The following MBOAT2 variants were observed in gnomAD, a reference collection of about 807,000 sequenced individuals.
MBOAT2 encodes the protein membrane-bound glycerophospholipid O-acyltransferase 2.
A neutral mutation model predicts 63.4 loss-of-function variants in MBOAT2; 28 were observed. The ratio of observed to expected loss-of-function variants is 0.44; its 90% CI spans 0.33 to 0.61. The LOEUF is 0.61. Ranked by LOEUF, MBOAT2 falls within the 20% of genes least tolerant of loss-of-function variation. The pLI is 0.03. For missense variants in MBOAT2, 470 were observed against 605.8 expected (o/e 0.78, Z 2.35); for synonymous variants, 211 against 215.6 (o/e 0.98, Z 0.19).
rs879082841 is a variant in MBOAT2 at position 8,853,448 on chromosome 2, CAG to C, written c.*5229_*5230del. On this transcript the variant is annotated 3_prime_UTR_variant, in exon 13 of 13. Transcript: ENST00000305997. ...ATTTTCGTCCTTTAATGCAAAAGGA[CAG>C]GGGGGAATATTCAAATTGATTTCCC... 7 of 152,246 alleles carry C rather than the reference CAG, an allele frequency of 4.6e-5. No homozygotes were observed. The highest frequency in any genetic ancestry group is 4.2e-4 in the South Asian group (2 of 4,816). 9.4% of individuals were successfully genotyped at this position (152,246 alleles called of 1,614,324 possible).
At chr2:8,882,459 T>TC in intron 6 of MBOAT2, 52 bp downstream of exon 6, 2 of 1,583,066 alleles carry the variant, frequency 1.3e-6, no homozygotes, top group East Asian at 2.2e-5. Flanking sequence ...GGAACGTGGG[T>TC]CCTAGGCAGG....
Position 8,973,375 on chromosome 2 carries a change from G to T in MBOAT2, c.76-14733C>A, listed in dbSNP as rs189413094. Among the ~76,000 whole-genome samples, 837 of 131,882 alleles carry T rather than the reference G, an allele frequency of 6.3e-3. 10 individuals are homozygous for T. The highest frequency in any genetic ancestry group is 0.022 in the African/African-American group (801 of 36,216). The allele number at this position is 131,882 out of a possible 152,430, so 86.5% of individuals were successfully genotyped here. On this transcript the variant is annotated intron_variant, in intron 1 of 12. Coordinates refer to ENST00000305997, the MANE Select transcript of MBOAT2 (RefSeq NM_138799.4). ...CACACACCGGGGCCTGTCGTGGGGT[G>T]GGGGGAGGGGGGAGGGATAGCATTA...
chr2:8,941,869 T>G (rs934114071), intron 3 of MBOAT2, among the ~76,000 whole-genome samples: 3 of 152,330 alleles, frequency 2.0e-5, no homozygotes, highest in Middle Eastern at 3.4e-3. Context: ...ACCTTCCAAC[T>G]GAAAAGCATA....
chr2:8,984,876 G>A (rs1442560537), intron 1 of MBOAT2, among the ~76,000 whole-genome samples: 1 of 152,040 alleles, frequency 6.6e-6, no homozygotes, highest in African/African-American at 2.4e-5. Context: ...AAAACAGGAG[G>A]AGTCAGACAG....
intron 3 of MBOAT2, among the ~76,000 whole-genome samples, chr2:8,929,439 C>T (rs1207677600): frequency 6.6e-6 from 1 of 152,220 alleles, no homozygotes; most frequent in East Asian, 1.9e-4. Context: ...GCAGCCTCGA[C>T]CTCCTAGGCT....
At chr2:8,884,887 A>G (rs181457458) in intron 5 of MBOAT2, among the ~76,000 whole-genome samples, 84 of 152,334 alleles carry the variant, frequency 5.5e-4, no homozygotes, top group African/African-American at 2.0e-3. Context: ...ACAAAAACCA[A>G]TTAAAGACAA....
At position 8,873,309 on chromosome 2, in the gene MBOAT2, C is replaced by T. The variant is rs543168940; in HGVS notation, c.691-9G>A. 2.4e-5 allele frequency: 38 copies of T among 1,609,542 alleles called. No individual in the cohort carries two copies. The Middle Eastern group carries it at 5.0e-4, about 21-fold the overall frequency. On this transcript the variant is annotated splice_polypyrimidine_tract_variant and intron_variant, in intron 7 of 12. Transcript: ENST00000305997. Reference sequence around the variant, plus strand: ...TTCTGAACAACCGCAGTCTGAAAAGCGCAAGGCGAGACTTCATCAACTTTA... The same window carrying T: ...TTCTGAACAACCGCAGTCTGAAAAGTGCAAGGCGAGACTTCATCAACTTTA...
chr2:8,912,975 G>A (rs542444822), intron 3 of MBOAT2, among the ~76,000 whole-genome samples: 252 of 152,114 alleles, frequency 1.7e-3, no homozygotes, highest in African/African-American at 5.7e-3. Flanking sequence ...AAACAGCATG[G>A]TACTGGCATA....
At chr2:8,870,218 A>G (rs189618066) in intron 8 of MBOAT2, among the ~76,000 whole-genome samples, 31 of 152,332 alleles carry the variant, frequency 2.0e-4, no homozygotes, top group Admixed American at 2.0e-3. Flanking sequence ...CTCAGATCCC[A>G]GTAAATCATT....
rs1191224515 is a variant in MBOAT2, at chr2:8,858,752, C to G, written c.1490G>C (p.Ser497Thr). 1.9e-6 allele frequency: 3 copies of G among 1,613,710 alleles called. No individual in the cohort carries two copies. The highest frequency in any genetic ancestry group is 1.7e-6 in the Non-Finnish European group (2 of 1,179,958). The change falls in exon 13 of 13, where the codon AGT becomes ACT. Residue 497 changes from serine (S) to threonine (T), a missense_variant. Physicochemically the swap from Ser to Thr is moderately conservative, Grantham distance 58 (BLOSUM62 1). Coordinates refer to ENST00000305997, the MANE Select transcript of MBOAT2 (RefSeq NM_138799.4). The part of the protein sequence containing the change: ...DEGENSLGQN[S>T]FSTTNNVCNQ... ...GCAAACATTGTTTGTTGTAGAAAAA[C>G]TGTTCTGTCCCAAAGAATTTTCTCC...
At chr2:8,959,499 T>C (rs1412207650) in intron 1 of MBOAT2, among the ~76,000 whole-genome samples, 1 of 151,312 alleles carries the variant, frequency 6.6e-6, no homozygotes, top group Non-Finnish European at 1.5e-5. Flanking sequence ...TCTTGCTCTG[T>C]GGCCCAGGCT....
chr2:8,987,331 CCTA>C (rs1421469854), intron 1 of MBOAT2, among the ~76,000 whole-genome samples: 2 of 152,160 alleles, frequency 1.3e-5, no homozygotes, highest in Non-Finnish European at 1.5e-5. Context: ...CTCACTCTGG[CCTA>C]CTATGTTCAC....
chr2:8,998,337 T>TA (rs1206418665), intron 1 of MBOAT2, among the ~76,000 whole-genome samples: 1 of 152,224 alleles, frequency 6.6e-6, no homozygotes, highest in Admixed American at 6.5e-5. Flanking sequence ...AGAAATGAGT[T>TA]AAATATTTAT....
chr2:8,973,277 C>G (rs527780645), intron 1 of MBOAT2, among the ~76,000 whole-genome samples: 1 of 150,468 alleles, frequency 6.6e-6, no homozygotes, highest in African/African-American at 2.4e-5. Context: ...GGATAAAAAA[C>G]CAAACACTGC....
At chr2:8,959,700 C>G (rs944956027) in intron 1 of MBOAT2, among the ~76,000 whole-genome samples, 1 of 152,104 alleles carries the variant, frequency 6.6e-6, no homozygotes, top group Non-Finnish European at 1.5e-5. Flanking sequence ...TGGGCTCAAA[C>G]AATCTGCCTG....
rs1258393877 is a variant in MBOAT2, at chr2:8,853,724, C to A, written c.*4955G>T. The A allele has an allele frequency of 6.6e-6, 1 of 152,100 alleles. No individual in the cohort carries two copies. Among genetic ancestry groups the A allele is most frequent in the African/African-American group, 2.4e-5 (1 of 41,412 alleles). 9.4% of individuals were successfully genotyped at this position (152,100 alleles called of 1,614,324 possible). On this transcript the variant is annotated 3_prime_UTR_variant, in exon 13 of 13. Coordinates refer to ENST00000305997, the MANE Select transcript of MBOAT2 (RefSeq NM_138799.4). ...GACAGCGGTTCTGCATGGGTCATCA[C>A]ACTATAATTTACAGAACATACAGTC...
intron 9 of MBOAT2, among the ~76,000 whole-genome samples, chr2:8,866,889 T>C (rs1004114590): frequency 7.2e-5 from 11 of 152,238 alleles, no homozygotes; most frequent in Non-Finnish European, 1.5e-4. Context: ...AGTGATGGCC[T>C]GCATTTCTTA....
At chr2:8,948,894 A>G (rs913598194) in intron 2 of MBOAT2, among the ~76,000 whole-genome samples, 3 of 152,170 alleles carry the variant, frequency 2.0e-5, no homozygotes, top group African/African-American at 7.2e-5. Context: ...TAGTTGTTTC[A>G]AGTTCTTTAA....
chr2:8,917,297 C>A (rs950672829), intron 3 of MBOAT2, among the ~76,000 whole-genome samples: 10 of 151,860 alleles, frequency 6.6e-5, no homozygotes, highest in African/African-American at 2.4e-4. Flanking sequence ...TCAAAATTCA[C>A]CACTAAGGAA....
Sources: allele counts gnomAD v4.1 joint callset (sites outside exome capture counted in the v4.1 genomes callset), GRCh38; gene constraint gnomAD v4.1.1; transcripts MANE v1.5; gene names NCBI Gene and HGNC (gene_info 2026-07-23, HGNC 2026-07-21).